Variants in GPC5 observed in about 807,000 individuals in gnomAD.
GPC5 encodes glypican 5.
Under a neutral mutation model 53.9 loss-of-function variants are expected in GPC5, and 47 were observed. The ratio of observed to expected loss-of-function variants is 0.87; its 90% CI spans 0.69 to 1.11. The LOEUF (loss-of-function observed/expected upper bound fraction) is 1.11, where lower values mean the gene tolerates loss of function less well. Among genes scored for constraint, GPC5 ranks in the 50% most tolerant of loss-of-function variants. The probability of loss-of-function intolerance (pLI) is 0.00; values close to 1 mark genes in which losing one functional copy is unlikely to be tolerated. For synonymous variants in GPC5, 286 were observed against 263.3 expected (o/e 1.09, Z -0.84); for missense variants, 748 against 713.1 (o/e 1.05, Z -0.56).
At chr13:91,762,919 A>G (rs1234199588) in intron 5 of GPC5, among the ~76,000 whole-genome samples, 1 of 152,138 alleles carries the variant, frequency 6.6e-6, no homozygotes, top group African/African-American at 2.4e-5. Flanking sequence ...CCCTAAATGC[A>G]CTGTGACACC....
chr13:91,572,087 G>A (rs111205765), intron 2 of GPC5, among the ~76,000 whole-genome samples: 48,313 of 115,798 alleles, frequency 0.42, 12,409 homozygotes, highest in African/African-American at 0.68. Flanking sequence ...ATATGTATAT[G>A]TACATGTGTG....
chr13:91,891,760 C>G, intron 5 of GPC5, among the ~76,000 whole-genome samples: 1 of 152,038 alleles, frequency 6.6e-6, no homozygotes, highest in East Asian at 1.9e-4. Flanking sequence ...AAATTTTGTT[C>G]AGCTTGACCT....
At chr13:92,115,465 A>G (rs2041592948) in intron 6 of GPC5, among the ~76,000 whole-genome samples, 1 of 152,146 alleles carries the variant, frequency 6.6e-6, no homozygotes, top group African/African-American at 2.4e-5. Context: ...GAGGTTGGCC[A>G]CTGCACTCCA....
intron 7 of GPC5, among the ~76,000 whole-genome samples, chr13:92,791,410 T>A (rs775897391): frequency 7.4e-6 from 1 of 135,060 alleles, no homozygotes; most frequent in Non-Finnish European, 1.5e-5. Flanking sequence ...TGTGAGTGTA[T>A]GTGTGTGAGT....
intron 6 of GPC5, among the ~76,000 whole-genome samples, chr13:92,070,788 T>A (rs2041204809): frequency 6.6e-6 from 1 of 152,222 alleles, no homozygotes; most frequent in Non-Finnish European, 1.5e-5. Context: ...TTACTATTCA[T>A]TGATTTTATC....
intron 2 of GPC5, among the ~76,000 whole-genome samples, chr13:91,675,676 G>A (rs1350683425): frequency 6.6e-6 from 1 of 152,134 alleles, no homozygotes; most frequent in Non-Finnish European, 1.5e-5. Context: ...TGTGTAGGAT[G>A]GGGTTTGCTC....
intron 7 of GPC5, among the ~76,000 whole-genome samples, chr13:92,353,844 C>A (rs2043500753): frequency 6.6e-6 from 1 of 152,050 alleles, no homozygotes; most frequent in African/African-American, 2.4e-5. Flanking sequence ...CCTATTAAGG[C>A]ATTTTGAAAT....
chr13:92,144,389 G>A (rs2041851440), intron 6 of GPC5, among the ~76,000 whole-genome samples: 2 of 152,154 alleles, frequency 1.3e-5, no homozygotes, highest in African/African-American at 2.4e-5. Context: ...TCTTTAGACA[G>A]AATCATTTTC....
intron 7 of GPC5, among the ~76,000 whole-genome samples, chr13:92,655,044 A>C (rs1168890394): frequency 6.6e-6 from 1 of 152,164 alleles, no homozygotes; most frequent in African/African-American, 2.4e-5. Context: ...ACCACCAAAA[A>C]CTAGGGAAGA....
intron 7 of GPC5, among the ~76,000 whole-genome samples, chr13:92,862,654 T>C (rs1283414689): frequency 6.6e-6 from 1 of 151,964 alleles, no homozygotes; most frequent in Non-Finnish European, 1.5e-5. Flanking sequence ...GATAGATAGA[T>C]AGATAGATAG....
intron 7 of GPC5, among the ~76,000 whole-genome samples, chr13:92,578,905 T>C (rs1379135331): frequency 6.6e-6 from 1 of 152,072 alleles, no homozygotes; most frequent in Non-Finnish European, 1.5e-5. Flanking sequence ...AATGATATTA[T>C]CCAGTCATCT....
At chr13:91,956,804 G>T (rs906345354) in intron 6 of GPC5, among the ~76,000 whole-genome samples, 3 of 152,088 alleles carry the variant, frequency 2.0e-5, no homozygotes, top group Admixed American at 6.6e-5. Flanking sequence ...TAACACCAGA[G>T]ATACATTATC....
chr13:91,862,302 T>C (rs896358043), intron 5 of GPC5, among the ~76,000 whole-genome samples: 5 of 152,182 alleles, frequency 3.3e-5, no homozygotes, highest in African/African-American at 1.2e-4. Flanking sequence ...TATATAGAAA[T>C]GAACCTGATG....
intron 7 of GPC5, among the ~76,000 whole-genome samples, chr13:92,571,749 GA>G (rs2139041614): frequency 6.6e-6 from 1 of 152,132 alleles, no homozygotes; most frequent in South Asian, 2.1e-4. Flanking sequence ...TTATTTCAAG[GA>G]TTACTTTTAA....
intron 2 of GPC5, among the ~76,000 whole-genome samples, chr13:91,471,356 A>G (rs766429962): frequency 7.2e-5 from 11 of 152,046 alleles, no homozygotes; most frequent in East Asian, 1.9e-4. Context: ...AGCTTTAAAT[A>G]TAGTCCTTTC....
At chr13:91,750,448 C>T (rs459110) in intron 4 of GPC5, among the ~76,000 whole-genome samples, 97,758 of 151,964 alleles carry the variant, frequency 0.64, 31,702 homozygotes, top group South Asian at 0.75. Flanking sequence ...CTAATTTTAA[C>T]GGCAAATATT....
chr13:91,496,374 A>C (rs1884263543), intron 2 of GPC5, among the ~76,000 whole-genome samples: 1 of 152,206 alleles, frequency 6.6e-6, no homozygotes, highest in South Asian at 2.1e-4. Context: ...TTGGGAAGCA[A>C]CCTAAGTGTC....
At chr13:92,361,469 A>G (rs775728336) in intron 7 of GPC5, among the ~76,000 whole-genome samples, 2 of 151,780 alleles carry the variant, frequency 1.3e-5, no homozygotes, top group African/African-American at 4.9e-5. Context: ...ATTTTGACCA[A>G]TAGCCAGCCT....
rs1356389011 is a variant in GPC5, at chr13:92,270,210, G to A, written c.1561+125221G>A. Among the ~76,000 whole-genome samples the A allele has an allele frequency of 3.9e-5, 6 of 152,134 alleles. No homozygotes were observed. In the East Asian group the frequency reaches 1.2e-3, roughly 29 times the overall value. ...CTTGAATGGCAAATGGAATGTAATG[G>A]TTCTTCCCATTATATATTGATAAGA... is the stretch of plus-strand genomic sequence containing the variant. On this transcript the variant is annotated intron_variant, in intron 7 of 7. Coordinates refer to ENST00000377067, the MANE Select transcript of GPC5 (RefSeq NM_004466.6).
Sources: allele counts gnomAD v4.1 joint callset (sites outside exome capture counted in the v4.1 genomes callset), GRCh38; gene constraint gnomAD v4.1.1; transcripts MANE v1.5; gene names NCBI Gene and HGNC (gene_info 2026-07-23, HGNC 2026-07-21).